The following OXR1 variants were observed in gnomAD, a reference collection of about 807,000 sequenced individuals.
The protein encoded by OXR1 is oxidation resistance 1, also known as oxidation resistance protein 1.
Under a neutral mutation model 104.6 loss-of-function variants are expected in OXR1, and 41 were observed. The observed-to-expected ratio is 0.39, with a 90% CI of 0.31 to 0.51. The LOEUF (loss-of-function observed/expected upper bound fraction) is 0.51, where lower values mean the gene tolerates loss of function less well. Among genes scored for constraint, OXR1 ranks in the 20% least tolerant of loss-of-function variants. OXR1 has a pLI of 0.77. For synonymous variants in OXR1, 348 were observed against 348.4 expected (o/e 1.00, Z 0.01); for missense variants, 955 against 1,031.9 (o/e 0.93, Z 1.02).
At chr8:106,667,963 T>A (rs201915423) in intron 3 of OXR1, among the ~76,000 whole-genome samples, 1 of 149,412 alleles carries the variant, frequency 6.7e-6, no homozygotes, top group Non-Finnish European at 1.5e-5. Flanking sequence ...TTTAAGCAAA[T>A]TCTAAAAAAA....
chr8:106,645,479 G>A (rs1291897744), intron 3 of OXR1, among the ~76,000 whole-genome samples: 1 of 152,168 alleles, frequency 6.6e-6, no homozygotes, highest in Non-Finnish European at 1.5e-5. Flanking sequence ...ATAGATTTGA[G>A]TTTTGAATCT....
chr8:106,451,907 A>G (rs141167058), intron 2 of OXR1, among the ~76,000 whole-genome samples: 161 of 152,332 alleles, frequency 1.1e-3, no homozygotes, highest in Non-Finnish European at 1.9e-3. Context: ...TTAAAAACAA[A>G]TGTGTGTAAC....
intron 2 of OXR1, among the ~76,000 whole-genome samples, chr8:106,398,297 A>C (rs556888148): frequency 6.6e-6 from 1 of 152,266 alleles, no homozygotes; most frequent in African/African-American, 2.4e-5. Context: ...ACTTTGAAAA[A>C]TACTGATGCA....
At chr8:106,736,654 T>C (rs767369400) in intron 11 of OXR1, among the ~76,000 whole-genome samples, 17 of 152,212 alleles carry the variant, frequency 1.1e-4, no homozygotes, top group Non-Finnish European at 2.2e-4. Flanking sequence ...CTGAGGAAAC[T>C]TACCTGTTTT....
At chr8:106,647,184 C>T (rs1302343026) in intron 3 of OXR1, among the ~76,000 whole-genome samples, 2 of 152,068 alleles carry the variant, frequency 1.3e-5, no homozygotes, top group African/African-American at 4.8e-5. Flanking sequence ...GGAGTTAACA[C>T]CTTTTGGACA....
At chr8:106,289,829 G>C (rs1394600140) in intron 1 of OXR1, among the ~76,000 whole-genome samples, 1 of 152,182 alleles carries the variant, frequency 6.6e-6, no homozygotes, top group African/African-American at 2.4e-5. Flanking sequence ...GGAAGTAACT[G>C]AATCATCGGG....
At chr8:106,561,986 C>T (rs117010480) in intron 3 of OXR1, among the ~76,000 whole-genome samples, 1 of 152,090 alleles carries the variant, frequency 6.6e-6, no homozygotes. Context: ...ACATAAAAGA[C>T]CAAAGGTAGA....
At chr8:106,419,358 G>A (rs935763781) in intron 2 of OXR1, among the ~76,000 whole-genome samples, 1 of 152,118 alleles carries the variant, frequency 6.6e-6, no homozygotes, top group Non-Finnish European at 1.5e-5. Context: ...TGAAGCACAG[G>A]GTGGTGTATT....
chr8:106,289,128 C>T (rs1812637895), intron 1 of OXR1, among the ~76,000 whole-genome samples: 1 of 152,066 alleles, frequency 6.6e-6, no homozygotes, highest in Non-Finnish European at 1.5e-5. Context: ...CAAGGATGCC[C>T]ACTCTAACCA....
chr8:106,750,622 A>T (rs919009528), intron 16 of OXR1, among the ~76,000 whole-genome samples, 184 bp from the exon 17 acceptor site: 2 of 151,844 alleles, frequency 1.3e-5, no homozygotes, highest in African/African-American at 4.8e-5. Context: ...GAGCCACCAC[A>T]CCCGGCCCAT....
At chr8:106,617,115 A>G (rs945251934) in intron 3 of OXR1, among the ~76,000 whole-genome samples, 6 of 152,166 alleles carry the variant, frequency 3.9e-5, no homozygotes, top group African/African-American at 1.4e-4. Flanking sequence ...CTTTACTTCT[A>G]CCGGGATAAC....
chr8:106,644,739 A>C (rs1823932576), intron 3 of OXR1, among the ~76,000 whole-genome samples: 1 of 152,144 alleles, frequency 6.6e-6, no homozygotes, highest in Non-Finnish European at 1.5e-5. Flanking sequence ...ATCTAGTCTC[A>C]TGGACCTTTT....
intron 3 of OXR1, among the ~76,000 whole-genome samples, chr8:106,619,172 T>A (rs1821486453): frequency 6.6e-6 from 1 of 152,238 alleles, no homozygotes; most frequent in South Asian, 2.1e-4. Context: ...AGTATCAGAA[T>A]GTATAATATA....
chr8:106,631,570 T>C (rs954695945), intron 3 of OXR1, among the ~76,000 whole-genome samples: 66 of 152,210 alleles, frequency 4.3e-4, no homozygotes, highest in African/African-American at 1.2e-3. Flanking sequence ...TTGTTGCAAA[T>C]TGAATTGTTA....
At chr8:106,472,589 A>C (rs1586686308) in intron 2 of OXR1, among the ~76,000 whole-genome samples, 1 of 151,988 alleles carries the variant, frequency 6.6e-6, no homozygotes, top group Admixed American at 6.6e-5. Flanking sequence ...TTAACAGACA[A>C]ATTTACTGCT....
intron 1 of OXR1, among the ~76,000 whole-genome samples, chr8:106,353,631 CTATT>C (rs1231485936): frequency 6.6e-6 from 1 of 151,648 alleles, no homozygotes; most frequent in Non-Finnish European, 1.5e-5. Context: ...TAAATTGTAT[CTATT>C]TATGATATAC....
chr8:106,555,733 A>G (rs1004822178), intron 3 of OXR1, among the ~76,000 whole-genome samples: 4 of 151,964 alleles, frequency 2.6e-5, no homozygotes, highest in Admixed American at 6.6e-5. Flanking sequence ...ATAAATGAAT[A>G]TGATAAATAA....
intron 3 of OXR1, among the ~76,000 whole-genome samples, chr8:106,629,302 A>G (rs1343275552): frequency 2.0e-5 from 3 of 151,896 alleles, no homozygotes; most frequent in Admixed American, 6.6e-5. Context: ...ACCTACATTC[A>G]TGGCATTTCT....
intron 11 of OXR1, among the ~76,000 whole-genome samples, chr8:106,715,548 A>G (rs1832157334): frequency 6.6e-6 from 1 of 151,856 alleles, no homozygotes; most frequent in Non-Finnish European, 1.5e-5. Flanking sequence ...TACCTAACTA[A>G]GGCAGCAACA....
Sources: gnomAD v4.1 joint callset for allele counts (sites outside exome capture counted in the v4.1 genomes callset) on GRCh38, gnomAD v4.1.1 for gene constraint, MANE v1.5 for transcripts, NCBI Gene and HGNC (gene_info 2026-07-23, HGNC 2026-07-21) for gene names.